MAN1C1: variants seen among roughly 807,000 people sequenced by gnomAD.
The protein encoded by MAN1C1 is mannosidase alpha class 1C member 1, also known as mannosyl-oligosaccharide 1,2-alpha-mannosidase IC.
In MAN1C1, 49 loss-of-function variants were observed where a neutral mutation model predicts 71.5. The observed-to-expected ratio is 0.69, with a 90% CI of 0.54 to 0.87. The LOEUF is 0.87. MAN1C1 is among the 40% of genes least tolerant of loss of function. The probability of loss-of-function intolerance (pLI) is 0.00; values close to 1 mark genes in which losing one functional copy is unlikely to be tolerated. For missense variants in MAN1C1, 743 were observed against 835.0 expected, an observed-to-expected ratio of 0.89 and a Z score of 1.36; for synonymous variants, 352 against 343.7, an observed-to-expected ratio of 1.02 and a Z score of -0.27.
At chr1:25,684,511 C>G (rs1271654943) in intron 1 of MAN1C1, among the ~76,000 whole-genome samples, 2 of 152,346 alleles carry the variant, frequency 1.3e-5, no homozygotes, top group South Asian at 4.1e-4. Flanking sequence ...ATGACCACTT[C>G]TCATCTCTGG....
At chr1:25,707,103 A>G (rs2046534180) in intron 2 of MAN1C1, among the ~76,000 whole-genome samples, 1 of 152,248 alleles carries the variant, frequency 6.6e-6, no homozygotes, top group Admixed American at 6.5e-5. Flanking sequence ...TCATTCAACT[A>G]ATCACATGAG....
chr1:25,740,445 C>CGTT (rs1333203908), intron 2 of MAN1C1, among the ~76,000 whole-genome samples: 2 of 151,420 alleles, frequency 1.3e-5, no homozygotes, highest in African/African-American at 2.4e-5. Context: ...TTGTTGTTGT[C>CGTT]GTTGTTGTTG....
At chr1:25,772,287 CA>C in intron 8 of MAN1C1, 1 of 158,002 alleles carries the variant, frequency 6.3e-6, no homozygotes, top group Non-Finnish European at 1.4e-5. Flanking sequence ...GGATGGAAAC[CA>C]AGGCCTAGAG....
intron 4 of MAN1C1, among the ~76,000 whole-genome samples, chr1:25,750,076 G>A (rs1393657290): frequency 5.3e-5 from 8 of 152,162 alleles, no homozygotes; most frequent in Admixed American, 5.2e-4. Flanking sequence ...CCTACTCATG[G>A]CCTTAGCGAG....
chr1:25,712,835 G>A (rs1476376158), intron 2 of MAN1C1, among the ~76,000 whole-genome samples: 5 of 152,050 alleles, frequency 3.3e-5, no homozygotes, highest in South Asian at 2.1e-4. Flanking sequence ...GGATTCCCAC[G>A]GTCCCTGGGG....
intron 1 of MAN1C1, among the ~76,000 whole-genome samples, chr1:25,657,432 TGAA>T (rs1237569700): frequency 6.6e-6 from 1 of 152,212 alleles, no homozygotes; most frequent in African/African-American, 2.4e-5. Flanking sequence ...CCCTGAGGCT[TGAA>T]GTGGTGGTGC....
intron 2 of MAN1C1, among the ~76,000 whole-genome samples, chr1:25,724,072 AGGCTGGAGTGCAGT>A (rs2046801782): frequency 7.2e-6 from 1 of 139,160 alleles, no homozygotes; most frequent in Non-Finnish European, 1.5e-5. Context: ...CTTGTTGCCC[AGGCTGGAGTGCAGT>A]GGCACAATCT....
intron 4 of MAN1C1, among the ~76,000 whole-genome samples, chr1:25,749,820 C>T (rs1224724985): frequency 1.3e-5 from 2 of 152,234 alleles, no homozygotes; most frequent in African/African-American, 2.4e-5. Flanking sequence ...ACCAAGACCC[C>T]CAGGCCTTGT....
intron 7 of MAN1C1, among the ~76,000 whole-genome samples, chr1:25,768,101 C>A: frequency 9.8e-6 from 1 of 102,070 alleles, no homozygotes; most frequent in Non-Finnish European, 1.9e-5. Context: ...ACCCACACAC[C>A]CCTCACATAC....
At chr1:25,657,928 GAC>G (rs375417396) in intron 1 of MAN1C1, among the ~76,000 whole-genome samples, 36 of 152,224 alleles carry the variant, frequency 2.4e-4, no homozygotes, top group African/African-American at 8.2e-4. Flanking sequence ...GAAGTGGATG[GAC>G]ACACACACAG....
At position 25,746,763 on chromosome 1, in the gene MAN1C1, G is replaced by T; in HGVS notation, c.733G>T (p.Glu245Ter). The T allele has an allele frequency of 6.8e-7, 1 of 1,466,434 alleles. No individual in the cohort carries two copies. The highest frequency in any genetic ancestry group is 1.1e-5 in the South Asian group (1 of 89,010). The allele number at this position is 1,466,434 out of a possible 1,614,324, so 90.8% of individuals were successfully genotyped here. A position where few individuals can be genotyped will look rare whatever the true frequency, so the allele number is the denominator to read the frequency against. The change falls in exon 3 of 12, where the codon GAG (glutamate) becomes TAG (stop). Residue 245 changes from glutamate (E) to a stop codon, truncating the protein, a stop_gained. Transcript: ENST00000374332. LOFTEE classifies it high-confidence loss of function. The surrounding 1 kb of genome is among the most constrained non-coding windows in gnomAD (Gnocchi z 4.0). ...CCAGGAGGCCAAGGCCTGGGTGGGA[G>T]AGAGCTTCCACCTGAACGTGGTGAG... ...EFQEAKAWVG[E>*]SFHLNVSGEA...
rs2046612755 is a variant in MAN1C1 at position 25,711,525 on chromosome 1, G to T, written c.637+24989G>T. On this transcript the variant is annotated intron_variant, in intron 2 of 11. Transcript: ENST00000374332. This position sits in a 1 kb window ranked among gnomAD's most constrained non-coding sequence, Gnocchi z 4.3. ...TAAATGGACCAGATACCTGGTCCCT[G>T]TTGGTGCTGAGCTCAGCTCCGTTTG... is the stretch of plus-strand genomic sequence containing the variant. Among the ~76,000 whole-genome samples the T allele has an allele frequency of 6.6e-6, 1 of 152,210 alleles. No individual in the cohort carries two copies. Among genetic ancestry groups the T allele is most frequent in the Non-Finnish European group, 1.5e-5 (1 of 68,032 alleles).
chr1:25,697,035 G>A (rs965830581), intron 2 of MAN1C1, among the ~76,000 whole-genome samples: 4 of 152,248 alleles, frequency 2.6e-5, no homozygotes, highest in Admixed American at 6.5e-5. Flanking sequence ...CTTTTATGGC[G>A]TGCTTTTTTC....
At chr1:25,636,296 A>G (rs1320034738) in intron 1 of MAN1C1, among the ~76,000 whole-genome samples, 1 of 152,178 alleles carries the variant, frequency 6.6e-6, no homozygotes, top group Admixed American at 6.5e-5. Context: ...CCCCACCCTA[A>G]TAAGCCTGAA....
At chr1:25,624,498 A>C (rs867031051) in intron 1 of MAN1C1, among the ~76,000 whole-genome samples, 2 of 152,140 alleles carry the variant, frequency 1.3e-5, no homozygotes, top group Non-Finnish European at 2.9e-5. Context: ...AGGGGGTCTG[A>C]ATTTCTTAAC....
At chr1:25,664,360 C>T (rs926956771) in intron 1 of MAN1C1, among the ~76,000 whole-genome samples, 18 of 151,958 alleles carry the variant, frequency 1.2e-4, no homozygotes, top group Non-Finnish European at 1.3e-4. Context: ...GGGAGAAAAC[C>T]TTACAGTACT....
At chr1:25,626,412 G>GC (rs2045295450) in intron 1 of MAN1C1, among the ~76,000 whole-genome samples, 1 of 151,052 alleles carries the variant, frequency 6.6e-6, no homozygotes, top group South Asian at 2.1e-4. Flanking sequence ...AGGCTGGAGT[G>GC]CAGTGGCACG....
intron 1 of MAN1C1, among the ~76,000 whole-genome samples, chr1:25,644,248 A>C (rs1296223210): frequency 6.6e-6 from 1 of 152,018 alleles, no homozygotes; most frequent in Non-Finnish European, 1.5e-5. Flanking sequence ...AACTAGCAGA[A>C]AGCTCCGTGT....
intron 4 of MAN1C1, among the ~76,000 whole-genome samples, chr1:25,750,470 G>A (rs2047199482): frequency 6.6e-6 from 1 of 151,970 alleles, no homozygotes; most frequent in South Asian, 2.1e-4. Context: ...CGCCACCCAA[G>A]GAGCCATGGA....
Sources: allele counts gnomAD v4.1 joint callset (sites outside exome capture counted in the v4.1 genomes callset), GRCh38; gene constraint gnomAD v4.1.1; non-coding constraint Gnocchi (gnomAD v3.1); transcripts MANE v1.5; gene names NCBI Gene and HGNC (gene_info 2026-07-23, HGNC 2026-07-21).